Variants in GPHN observed in about 807,000 individuals in gnomAD.
The protein encoded by GPHN is gephyrin.
GPHN carries 17 observed loss-of-function variants against 95.5 expected under a neutral mutation model. The observed-to-expected ratio is 0.18, with a 90% CI of 0.12 to 0.27. The LOEUF (loss-of-function observed/expected upper bound fraction) is 0.27, where lower values mean the gene tolerates loss of function less well. Among genes scored for constraint, GPHN ranks in the 10% least tolerant of loss-of-function variants. The pLI is 1.00. For synonymous variants in GPHN, 320 were observed against 322.5 expected (o/e 0.99, Z 0.08); for missense variants, 660 against 978.1 (o/e 0.67, Z 4.34).
the GPHN span, among the ~76,000 whole-genome samples, chr14:67,568,553 CT>C: frequency 4.6e-5 from 7 of 152,010 alleles, no homozygotes; most frequent in East Asian, 1.4e-3. Context: ...ACACGTTTAC[CT>C]ACATAAAAAC....
chr14:67,636,491 A>C, the GPHN span, among the ~76,000 whole-genome samples: 1 of 152,228 alleles, frequency 6.6e-6, no homozygotes, highest in Non-Finnish European at 1.5e-5. Context: ...GACAATTATT[A>C]TCCATTTCCT....
At chr14:67,573,805 A>G in the GPHN span, 1 of 1,608,508 alleles carries the variant, frequency 6.2e-7, no homozygotes. This position sits in a 1 kb window ranked among gnomAD's most constrained non-coding sequence, Gnocchi z 4.8. Context: ...TTACAGAGTG[A>G]TGTCATCCGG....
At chr14:66,772,754 C>T (rs1219475634) in intron 2 of GPHN, among the ~76,000 whole-genome samples, 1 of 151,896 alleles carries the variant, frequency 6.6e-6, no homozygotes, top group Non-Finnish European at 1.5e-5. Flanking sequence ...TTTTAAAAAT[C>T]AAAGAATTTT....
At chr14:67,093,892 A>G (rs992411883) in intron 12 of GPHN, among the ~76,000 whole-genome samples, 1 of 152,124 alleles carries the variant, frequency 6.6e-6, no homozygotes, top group Non-Finnish European at 1.5e-5. Context: ...TAGTATGCAT[A>G]TAAATACTAT....
At chr14:66,865,259 T>C in intron 4 of GPHN, among the ~76,000 whole-genome samples, 1 of 149,148 alleles carries the variant, frequency 6.7e-6, no homozygotes, top group African/African-American at 2.6e-5. Flanking sequence ...TTGGATTGAC[T>C]AACACAAAGG....
At chr14:67,198,792 T>C in the GPHN span, among the ~76,000 whole-genome samples, 11 of 152,320 alleles carry the variant, frequency 7.2e-5, no homozygotes, top group East Asian at 2.1e-3. Flanking sequence ...AAACTGCATT[T>C]CTATGCATTT....
At chr14:67,383,796 C>T in the GPHN span, 2 of 289,954 alleles carry the variant, frequency 6.9e-6, no homozygotes, top group Middle Eastern at 1.3e-3. Context: ...CCAAGGCAAA[C>T]AATCCCAATC....
At chr14:67,649,633 A>G in the GPHN span, 1 of 152,194 alleles carries the variant, frequency 6.6e-6, no homozygotes, top group East Asian at 1.9e-4. Flanking sequence ...GAAATGATGG[A>G]AATGCTACAG....
chr14:67,678,495 T>C, the GPHN span: 16 of 1,020,882 alleles, frequency 1.6e-5, no homozygotes, highest in East Asian at 3.8e-4. Flanking sequence ...GGATAAGGAA[T>C]ATGACATAAA....
the GPHN span, among the ~76,000 whole-genome samples, chr14:67,375,424 T>A: frequency 6.6e-6 from 1 of 152,128 alleles, no homozygotes; most frequent in South Asian, 2.1e-4. Flanking sequence ...GCCCAGCCTA[T>A]CCTCAGTTCT....
chr14:66,957,187 C>CTTTTTTTTTTTTT (rs1157690518), intron 8 of GPHN, among the ~76,000 whole-genome samples: 2 of 84,832 alleles, frequency 2.4e-5, no homozygotes, highest in Non-Finnish European at 4.2e-5. Context: ...TTCTTTCTTT[C>CTTTTTTTTTTTTT]TTTTTTTTTT....
intron 16 of GPHN, 135 bp from the exon 17 acceptor site, chr14:67,122,121 G>T (rs1266903211): frequency 3.9e-6 from 3 of 778,420 alleles, no homozygotes; most frequent in Admixed American, 4.0e-5. Flanking sequence ...GATCCTTTGG[G>T]CATTCACCTT....
the GPHN span, among the ~76,000 whole-genome samples, chr14:67,703,401 C>T: frequency 1.3e-5 from 2 of 152,170 alleles, no homozygotes; most frequent in Non-Finnish European, 1.5e-5. Flanking sequence ...TTAGCTTGAA[C>T]TGGCTGAATC....
chr14:67,293,463 G>C, the GPHN span, among the ~76,000 whole-genome samples: 5 of 152,152 alleles, frequency 3.3e-5, no homozygotes, highest in South Asian at 1.0e-3. Flanking sequence ...TATTGGGGAG[G>C]GAGGACATCT....
the GPHN span, among the ~76,000 whole-genome samples, chr14:67,262,503 T>A: frequency 1.3e-5 from 2 of 152,178 alleles, no homozygotes; most frequent in African/African-American, 4.8e-5. Flanking sequence ...TCATTCTTTA[T>A]AATAACCATT....
intron 5 of GPHN, among the ~76,000 whole-genome samples, chr14:66,891,758 A>G (rs2064515351): frequency 6.6e-6 from 1 of 150,802 alleles, no homozygotes; most frequent in Non-Finnish European, 1.5e-5. Flanking sequence ...TTCTATATAT[A>G]TATATTTTTT....
chr14:67,002,832 T>G (rs1375866638), intron 9 of GPHN, among the ~76,000 whole-genome samples: 1 of 151,656 alleles, frequency 6.6e-6, no homozygotes, highest in African/African-American at 2.4e-5. Context: ...AAAGTTATTT[T>G]TTGTTTCAAC....
intron 1 of GPHN, among the ~76,000 whole-genome samples, chr14:66,542,924 G>A (rs572906889): frequency 2.0e-5 from 3 of 152,256 alleles, no homozygotes; most frequent in South Asian, 4.1e-4. Context: ...ATTGGCTCAC[G>A]ATTCTGCAGG....
intron 10 of GPHN, among the ~76,000 whole-genome samples, chr14:67,049,540 G>A (rs1356439374): frequency 6.9e-6 from 1 of 145,230 alleles, no homozygotes; most frequent in African/African-American, 2.6e-5. Flanking sequence ...TTGAGACAGA[G>A]TCTCGCTCTG....
Sources: allele counts gnomAD v4.1 joint callset (sites outside exome capture counted in the v4.1 genomes callset), GRCh38; gene constraint gnomAD v4.1.1; non-coding constraint Gnocchi (gnomAD v3.1); transcripts MANE v1.5; gene names NCBI Gene and HGNC (gene_info 2026-07-23, HGNC 2026-07-21).